Variants in FAAP20 observed in about 807,000 individuals in gnomAD.
FAAP20 encodes Fanconi anemia core complex-associated protein 20.
A neutral mutation model predicts 16.2 loss-of-function variants in FAAP20; 12 were observed. The ratio of observed to expected loss-of-function variants is 0.74; its 90% CI spans 0.48 to 1.20. The LOEUF is 1.20. Among genes scored for constraint, FAAP20 ranks in the 50% most tolerant of loss-of-function variants. FAAP20 has a pLI of 0.00. For synonymous variants in FAAP20, 141 were observed against 110.7 expected (o/e 1.27, Z -1.72); for missense variants, 288 against 245.8 (o/e 1.17, Z -1.15).
downstream of FAAP20, chr1:2,185,955 C>T (rs766637913): frequency 8.5e-5 from 29 of 340,222 alleles, no homozygotes; most frequent in Non-Finnish European, 1.5e-4. Context: ...TTCCCAGCGG[C>T]GCGGACCTCC....
chr1:2,192,200 T>A, intron 3 of FAAP20: 3 of 985,930 alleles, frequency 3.0e-6, no homozygotes, highest in Non-Finnish European at 3.6e-6. Flanking sequence ...AGGGTGGCTG[T>A]GCAAACCCTT....
intron 3 of FAAP20, among the ~76,000 whole-genome samples, chr1:2,205,939 T>A (rs1305264420): frequency 6.6e-6 from 1 of 152,256 alleles, no homozygotes; most frequent in Admixed American, 6.5e-5. Context: ...TCATTCCTTT[T>A]CGGTCTGATC....
At chr1:2,198,650 C>T (rs115372449), upstream of FAAP20, 2,822 of 1,205,864 alleles carry the variant, frequency 2.3e-3, 58 homozygotes, top group African/African-American at 0.039. Flanking sequence ...GACCTGTGGC[C>T]GACAGGCACC....
At chr1:2,189,805 C>G in intron 3 of FAAP20, 24 bp from the exon 4 acceptor site, 2 of 1,574,142 alleles carry the variant, frequency 1.3e-6, no homozygotes, top group Middle Eastern at 1.7e-4. Flanking sequence ...GCCACACTCA[C>G]TCGGCCACCT....
downstream of FAAP20, among the ~76,000 whole-genome samples, chr1:2,208,302 C>T (rs1569610002): frequency 6.6e-6 from 1 of 152,266 alleles, no homozygotes; most frequent in East Asian, 1.9e-4. Flanking sequence ...AGTGCACGTC[C>T]TCCAGCCCGC....
At chr1:2,189,368 A>G (rs1328750680), downstream of FAAP20, among the ~76,000 whole-genome samples, 3 of 151,688 alleles carry the variant, frequency 2.0e-5, no homozygotes, top group Non-Finnish European at 4.4e-5. Flanking sequence ...GTGACTGCAC[A>G]TGAGCTAACC....
rs1687983241 is a variant in FAAP20, at chr1:2,189,886, A to C, written c.471-105T>G. ...CTCTCTGCTCCTGCCGCTGGAGAGG[A>C]TCCGGCTGGTCAGAAACAAGGGACG... On this transcript the variant is annotated intron_variant, in intron 3 of 3. Transcript: ENST00000378546. 3.3e-6 allele frequency: 3 copies of C among 915,074 alleles called. No individual in the cohort carries two copies. The East Asian group carries it at 7.6e-5, about 23-fold the overall frequency. 56.7% of individuals were successfully genotyped at this position (915,074 alleles called of 1,614,324 possible).
rs770876388 is a variant in FAAP20, at chr1:2,189,762, C to T, written c.490G>A (p.Asp164Asn). 1.9e-6 allele frequency: 3 copies of T among 1,612,706 alleles called. No homozygotes were observed. The highest frequency in any genetic ancestry group is 2.5e-6 in the Non-Finnish European group (3 of 1,179,614). The change falls in exon 4 of 4, where the codon GAC (aspartate) becomes AAC (asparagine). Residue 164 changes from aspartate to asparagine, a missense_variant. Asp to Asn is a conservative substitution (Grantham distance 23, BLOSUM62 1). Transcript: ENST00000378546. ...GCCAAGCACTGGGCCAGGTGGCTGT[C>T]AACATCCAGCTGGGTCAGCCTGCAA... is the stretch of plus-strand genomic sequence containing the variant. ...FAPRLTQLDV[D>N]SHLAQCLAES...
chr1:2,185,143 G>A (rs1012891698), downstream of FAAP20: 9 of 877,630 alleles, frequency 1.0e-5, no homozygotes, highest in African/African-American at 1.3e-4. Context: ...GACCGCAGAG[G>A]GAAGCGTCAG....
chr1:2,184,575 T>C, downstream of FAAP20: 4 of 1,612,502 alleles, frequency 2.5e-6, no homozygotes, highest in South Asian at 1.1e-5. Context: ...TCCTATTGTT[T>C]TTCCAAGCTG....
downstream of FAAP20, among the ~76,000 whole-genome samples, chr1:2,208,542 A>G (rs1689350605): frequency 6.6e-6 from 1 of 152,108 alleles, no homozygotes; most frequent in Admixed American, 6.5e-5. Flanking sequence ...GGTGAGTACC[A>G]GGCCCCTCCC....
chr1:2,192,530 C>CCGGGGGG (rs1254634154), intron 3 of FAAP20: 1 of 1,004,222 alleles, frequency 1.0e-6, no homozygotes, highest in Non-Finnish European at 1.2e-6. Context: ...AAGCCCCTCC[C>CCGGGGGG]CGGGGGGCGG....
At chr1:2,202,532 C>T (rs1426446435), upstream of FAAP20, among the ~76,000 whole-genome samples, 1 of 152,140 alleles carries the variant, frequency 6.6e-6, no homozygotes, top group Non-Finnish European at 1.5e-5. Flanking sequence ...GGCATGATCT[C>T]GGCTCACTGC....
upstream of FAAP20, chr1:2,194,856 T>A: frequency 1.2e-6 from 1 of 841,904 alleles, no homozygotes; most frequent in Non-Finnish European, 1.3e-6. Flanking sequence ...GCCGCCCCCC[T>A]CCGAGACAGT....
At chr1:2,211,420 TA>T (rs1689436929), downstream of FAAP20, among the ~76,000 whole-genome samples, 1 of 27,278 alleles carries the variant, frequency 3.7e-5, no homozygotes, top group African/African-American at 2.3e-4. Flanking sequence ...TATATATATA[TA>T]TATATATATA....
chr1:2,186,668 G>C (rs1687641753), downstream of FAAP20, among the ~76,000 whole-genome samples: 1 of 152,196 alleles, frequency 6.6e-6, no homozygotes, highest in African/African-American at 2.4e-5. Flanking sequence ...GCGTGGGGAT[G>C]CCCAGGTGGC....
intron 3 of FAAP20, 71 bp from the exon 4 acceptor site, chr1:2,189,852 C>T (rs1216801043): frequency 1.1e-5 from 13 of 1,190,082 alleles, no homozygotes; most frequent in Non-Finnish European, 1.4e-5. Flanking sequence ...CCGTCTGGAC[C>T]TCCGGGCCCT....
chr1:2,197,881 C>T (rs1688885868), upstream of FAAP20: 1 of 1,055,942 alleles, frequency 9.5e-7, no homozygotes. Flanking sequence ...TGTCAGGAAG[C>T]CTGACCCCCA....
chr1:2,210,799 C>A (rs1569619540), downstream of FAAP20, among the ~76,000 whole-genome samples: 1 of 152,348 alleles, frequency 6.6e-6, no homozygotes, highest in South Asian at 2.1e-4. Flanking sequence ...AGTGGCCATC[C>A]AGCCCCAGGT....
Sources: gnomAD v4.1 joint callset for allele counts (sites outside exome capture counted in the v4.1 genomes callset) on GRCh38, gnomAD v4.1.1 for gene constraint, MANE v1.5 for transcripts, NCBI Gene and HGNC (gene_info 2026-07-23, HGNC 2026-07-21) for gene names.